The following SLC5A1 variants were observed in gnomAD, a reference collection of about 807,000 sequenced individuals.
SLC5A1 encodes the protein sodium/glucose cotransporter 1.
Under a neutral mutation model 73.5 loss-of-function variants are expected in SLC5A1, and 42 were observed. The observed-to-expected ratio is 0.57, with a 90% CI of 0.45 to 0.74. The LOEUF is 0.74. SLC5A1 is among the 30% of genes least tolerant of loss of function. SLC5A1 has a pLI of 0.00. For synonymous variants in SLC5A1, 300 were observed against 317.4 expected (o/e 0.95, Z 0.58); for missense variants, 634 against 855.4 (o/e 0.74, Z 3.23).
At chr22:32,044,280 C>G (rs771970652) in intron 1 of SLC5A1, among the ~76,000 whole-genome samples, 1 of 152,086 alleles carries the variant, frequency 6.6e-6, no homozygotes, top group Non-Finnish European at 1.5e-5. Flanking sequence ...CGAGATCAGC[C>G]TGGGCAACAT....
chr22:32,108,767 T>C (rs1164100887), intron 14 of SLC5A1, among the ~76,000 whole-genome samples: 1 of 152,134 alleles, frequency 6.6e-6, no homozygotes. Flanking sequence ...TACATGAAGA[T>C]AAGGGAGGTG....
chr22:32,085,066 T>A, intron 9 of SLC5A1, 31 bp downstream of exon 9: 1 of 1,613,460 alleles, frequency 6.2e-7, no homozygotes, highest in African/African-American at 1.3e-5. Context: ...CACAAACCAC[T>A]CTCCCTTTTT....
intron 5 of SLC5A1, among the ~76,000 whole-genome samples, chr22:32,075,757 C>T (rs2093989933): frequency 6.6e-6 from 1 of 151,826 alleles, no homozygotes; most frequent in East Asian, 1.9e-4. Flanking sequence ...GACATCTGGG[C>T]AGGGGGTAGG....
chr22:32,054,583 A>G (rs931973265), intron 2 of SLC5A1, among the ~76,000 whole-genome samples: 1 of 152,220 alleles, frequency 6.6e-6, no homozygotes, highest in Non-Finnish European at 1.5e-5. Flanking sequence ...TGGAAGGAAC[A>G]GAATGGCCAA....
At chr22:32,103,804 T>C (rs974228736) in intron 13 of SLC5A1, among the ~76,000 whole-genome samples, 4 of 152,318 alleles carry the variant, frequency 2.6e-5, no homozygotes, top group Non-Finnish European at 5.9e-5. Flanking sequence ...GTCTAATTGA[T>C]TCAAGACTTC....
At chr22:32,098,979 A>G (rs1332648772) in intron 11 of SLC5A1, among the ~76,000 whole-genome samples, 1 of 150,210 alleles carries the variant, frequency 6.7e-6, no homozygotes, top group Non-Finnish European at 1.5e-5. Context: ...CCAGCTACTC[A>G]GGAGGCTGAG....
chr22:32,105,141 G>A (rs1036773079), intron 14 of SLC5A1, among the ~76,000 whole-genome samples: 14 of 152,212 alleles, frequency 9.2e-5, no homozygotes, highest in East Asian at 1.9e-4. Context: ...TTGTGAGTAC[G>A]TAGTAGGTGT....
At chr22:32,091,805 G>C in intron 11 of SLC5A1, 43 bp downstream of exon 11, 1 of 1,607,364 alleles carries the variant, frequency 6.2e-7, no homozygotes, top group Non-Finnish European at 8.5e-7. Flanking sequence ...TGAATGATCA[G>C]AGAGGTTCCA....
chr22:32,072,560 A>T (rs2093984360), intron 5 of SLC5A1, among the ~76,000 whole-genome samples: 1 of 152,218 alleles, frequency 6.6e-6, no homozygotes, highest in Non-Finnish European at 1.5e-5. Flanking sequence ...TTCACTGTAA[A>T]TTCTTCAGAA....
At position 32,067,016 on chromosome 22, in the gene SLC5A1, G is replaced by A. The variant is rs754378934; in HGVS notation, c.289G>A (p.Ala97Thr). 5.0e-6 allele frequency: 8 copies of A among 1,613,112 alleles called. No homozygotes were observed. Among genetic ancestry groups the A allele is most frequent in the South Asian group, 3.3e-5 (3 of 91,056 alleles). The change falls in exon 3 of 15, where the codon GCC (alanine) becomes ACC (threonine). Residue 97 changes from alanine to threonine, a missense_variant. Transcript: ENST00000266088. The part of the protein sequence containing the change: ...LAGTGAASGI[A>T]IGGFEWNALV... The stretch of plus-strand genomic sequence containing the variant: ...CGGGACTGGGGCAGCTTCAGGCATC[G>A]CCATTGGAGGCTTTGAATGGAATGT...
intron 2 of SLC5A1, among the ~76,000 whole-genome samples, chr22:32,062,141 T>C (rs2093964149): frequency 6.6e-6 from 1 of 152,200 alleles, no homozygotes; most frequent in Non-Finnish European, 1.5e-5. Flanking sequence ...GTAGAGTTGT[T>C]CTACCACAGA....
chr22:32,052,138 C>T (rs2093945900), intron 2 of SLC5A1, among the ~76,000 whole-genome samples: 1 of 152,154 alleles, frequency 6.6e-6, no homozygotes, highest in Non-Finnish European at 1.5e-5. Flanking sequence ...AATGACAGAG[C>T]TAAGACTTCC....
intron 2 of SLC5A1, among the ~76,000 whole-genome samples, chr22:32,054,454 G>A (rs989296432): frequency 1.3e-5 from 2 of 152,154 alleles, no homozygotes; most frequent in South Asian, 4.1e-4. Context: ...GAGGGAGAAG[G>A]GTCTTCCTTA....
At chr22:32,071,999 AT>A (rs939537449) in intron 5 of SLC5A1, among the ~76,000 whole-genome samples, 18 of 152,068 alleles carry the variant, frequency 1.2e-4, no homozygotes, top group African/African-American at 4.1e-4. Context: ...AATTGTCAAC[AT>A]TTTGCCATTT....
intron 2 of SLC5A1, among the ~76,000 whole-genome samples, chr22:32,055,817 C>G (rs1001137817): frequency 6.6e-6 from 1 of 152,220 alleles, no homozygotes; most frequent in African/African-American, 2.4e-5. Flanking sequence ...TGGTCCAACC[C>G]TTGGCCCAAA....
chr22:32,063,806 G>C (rs1365734785), intron 2 of SLC5A1, among the ~76,000 whole-genome samples: 1 of 152,166 alleles, frequency 6.6e-6, no homozygotes, highest in African/African-American at 2.4e-5. Context: ...TGAAGGCAGA[G>C]TCAGAGTTTT....
chr22:32,053,169 A>G (rs1456610964), intron 2 of SLC5A1, among the ~76,000 whole-genome samples: 1 of 152,132 alleles, frequency 6.6e-6, no homozygotes, highest in Non-Finnish European at 1.5e-5. Context: ...GAGGTTTTGC[A>G]AAACTTGGTA....
At chr22:32,092,492 T>C (rs2094019641) in intron 11 of SLC5A1, among the ~76,000 whole-genome samples, 1 of 152,230 alleles carries the variant, frequency 6.6e-6, no homozygotes, top group African/African-American at 2.4e-5. Context: ...GATCAAATGG[T>C]AGTTCTACTT....
intron 2 of SLC5A1, among the ~76,000 whole-genome samples, chr22:32,056,422 T>A (rs2093951929): frequency 6.8e-6 from 1 of 146,394 alleles, no homozygotes; most frequent in Non-Finnish European, 1.5e-5. Flanking sequence ...AGGCAAACAA[T>A]ACATACCTTC....
Sources: allele counts gnomAD v4.1 joint callset (sites outside exome capture counted in the v4.1 genomes callset), GRCh38; gene constraint gnomAD v4.1.1; transcripts MANE v1.5; gene names NCBI Gene and HGNC (gene_info 2026-07-23, HGNC 2026-07-21).